The following CCSER1 variants were observed in gnomAD, a reference collection of about 807,000 sequenced individuals.
CCSER1 encodes serine-rich coiled-coil domain-containing protein 1.
A neutral mutation model predicts 82.0 loss-of-function variants in CCSER1; 41 were observed. That is an observed-to-expected ratio of 0.50 (90% CI 0.39 to 0.65). The LOEUF is 0.65. Among genes scored for constraint, CCSER1 ranks in the 30% least tolerant of loss-of-function variants. CCSER1 has a pLI of 0.00. For missense variants in CCSER1, 1,119 were observed against 1,064.2 expected, an observed-to-expected ratio of 1.05 and a Z score of -0.72; for synonymous variants, 414 against 383.9, an observed-to-expected ratio of 1.08 and a Z score of -0.92.
intron 7 of CCSER1, among the ~76,000 whole-genome samples, chr4:90,806,984 T>A (rs907486954): frequency 2.0e-5 from 3 of 152,138 alleles, no homozygotes; most frequent in Non-Finnish European, 2.9e-5. Flanking sequence ...TGAATAAAAT[T>A]AACTTTTCTT....
intron 5 of CCSER1, among the ~76,000 whole-genome samples, chr4:90,551,678 T>TTCTCTCTCTCTCTCTCTCTCTCTCTC (rs71596530): frequency 1.1e-5 from 1 of 88,568 alleles, no homozygotes; most frequent in African/African-American, 4.8e-5. Flanking sequence ...AAAAATATAA[T>TTCTCTCTCTCTCTCTCTCTCTCTCTC]TCTCTCTCTC....
intron 5 of CCSER1, among the ~76,000 whole-genome samples, chr4:90,557,636 T>A (rs1778292660): frequency 6.6e-6 from 1 of 152,140 alleles, no homozygotes; most frequent in Admixed American, 6.6e-5. Context: ...GTAGACATTT[T>A]CTTAAGGCAT....
intron 7 of CCSER1, among the ~76,000 whole-genome samples, chr4:90,815,199 T>C (rs1758838934): frequency 6.6e-6 from 1 of 152,052 alleles, no homozygotes. Flanking sequence ...CTGCCACTTT[T>C]AAACCATCAG....
intron 1 of CCSER1, among the ~76,000 whole-genome samples, chr4:90,276,251 T>TTTCTTCCCTTCC (rs1727659770): frequency 1.0e-4 from 8 of 76,828 alleles, no homozygotes; most frequent in African/African-American, 3.6e-4. Flanking sequence ...TCTTTCTTTC[T>TTTCTTCCCTTCC]TTCCTTCCTT....
intron 7 of CCSER1, among the ~76,000 whole-genome samples, chr4:90,745,143 G>A (rs1026606184): frequency 1.3e-5 from 2 of 152,052 alleles, no homozygotes; most frequent in East Asian, 1.9e-4. Context: ...TGGCCTGGTC[G>A]AGTTCTTTCT....
At chr4:91,004,906 T>C (rs993297265) in intron 9 of CCSER1, among the ~76,000 whole-genome samples, 5 of 152,214 alleles carry the variant, frequency 3.3e-5, no homozygotes, top group African/African-American at 1.2e-4. Flanking sequence ...GTCATAGAGA[T>C]CTTATTTCAG....
intron 6 of CCSER1, among the ~76,000 whole-genome samples, chr4:90,706,484 A>T (rs1739377433): frequency 6.6e-6 from 1 of 152,188 alleles, no homozygotes; most frequent in Non-Finnish European, 1.5e-5. Flanking sequence ...ATTAAAACAA[A>T]TAAAACCACA....
chr4:90,539,687 T>C (rs926649631), intron 5 of CCSER1, among the ~76,000 whole-genome samples: 1 of 152,094 alleles, frequency 6.6e-6, no homozygotes, highest in Non-Finnish European at 1.5e-5. Context: ...ATAAGTAAGA[T>C]TTACTTTCTG....
chr4:91,246,823 C>G (rs1373448837), intron 10 of CCSER1, among the ~76,000 whole-genome samples: 3 of 124,624 alleles, frequency 2.4e-5, no homozygotes, highest in Admixed American at 1.6e-4. Flanking sequence ...CACACATACA[C>G]ACATACACAC....
intron 10 of CCSER1, among the ~76,000 whole-genome samples, chr4:91,107,204 T>C (rs1280599745): frequency 2.0e-5 from 3 of 152,188 alleles, no homozygotes; most frequent in Non-Finnish European, 2.9e-5. Flanking sequence ...CATCTAGGTT[T>C]GTGTAAGTCG....
chr4:90,639,339 A>T (rs1560861726), intron 6 of CCSER1, among the ~76,000 whole-genome samples: 1 of 147,112 alleles, frequency 6.8e-6, no homozygotes, highest in African/African-American at 2.4e-5. Flanking sequence ...AATAATTTTT[A>T]ATAAAAGCCA....
At position 91,232,083 on chromosome 4, in the gene CCSER1, T is replaced by C. The variant is rs537348886; in HGVS notation, c.2217+146089T>C. On this transcript the variant is annotated intron_variant, in intron 10 of 10. Transcript: ENST00000509176. The stretch of plus-strand genomic sequence containing the variant: ...TCAGGTTAGCAAAAACTAAAAAGTT[T>C]TATAATTTACTATTTTGGCAAGGAT... 4.6e-5 allele frequency among the ~76,000 whole-genome samples: 7 copies of C among 151,920 alleles called. No homozygotes were observed. The East Asian group carries it at 1.2e-3, about 25-fold the overall frequency.
At chr4:90,518,926 A>C (rs867334144) in intron 5 of CCSER1, among the ~76,000 whole-genome samples, 1 of 151,870 alleles carries the variant, frequency 6.6e-6, no homozygotes. Flanking sequence ...TGTGTAGCAG[A>C]CAGTATTTGG....
chr4:90,277,933 A>G (rs1728136178), intron 1 of CCSER1, among the ~76,000 whole-genome samples: 1 of 152,164 alleles, frequency 6.6e-6, no homozygotes, highest in Non-Finnish European at 1.5e-5. Context: ...CAAACTCTGC[A>G]TTTGACAAAG....
chr4:90,959,553 T>C (rs1015257339), intron 9 of CCSER1, among the ~76,000 whole-genome samples: 1 of 152,280 alleles, frequency 6.6e-6, no homozygotes, highest in East Asian at 1.9e-4. Flanking sequence ...TTTAAGGGAT[T>C]TATAAGTCTT....
At chr4:90,739,801 A>T (rs1451427564) in intron 7 of CCSER1, among the ~76,000 whole-genome samples, 1 of 152,182 alleles carries the variant, frequency 6.6e-6, no homozygotes, top group Non-Finnish European at 1.5e-5. Context: ...AAGCACACAG[A>T]TTCTCTCTCC....
chr4:90,728,450 C>T (rs991971146), intron 7 of CCSER1, among the ~76,000 whole-genome samples: 4 of 152,106 alleles, frequency 2.6e-5, no homozygotes, highest in Admixed American at 1.3e-4. Flanking sequence ...ATTCTTCTGC[C>T]GTGACATGAA....
intron 10 of CCSER1, among the ~76,000 whole-genome samples, chr4:91,408,968 C>G (rs1752867301): frequency 6.6e-6 from 1 of 152,200 alleles, no homozygotes; most frequent in South Asian, 2.1e-4. Context: ...ATGATCACAA[C>G]CTCTGTGTCT....
At chr4:90,805,485 C>A (rs6815961) in intron 7 of CCSER1, among the ~76,000 whole-genome samples, 51,669 of 151,950 alleles carry the variant, frequency 0.34, 8,996 homozygotes, top group African/African-American at 0.42. Context: ...TGATGGAAGG[C>A]CTTTCCTGAT....
Sources: allele counts gnomAD v4.1 joint callset (sites outside exome capture counted in the v4.1 genomes callset), GRCh38; gene constraint gnomAD v4.1.1; transcripts MANE v1.5; gene names NCBI Gene and HGNC (gene_info 2026-07-23, HGNC 2026-07-21).